The following NPEPL1 variants were observed in gnomAD, a reference collection of about 807,000 sequenced individuals.
NPEPL1 encodes the protein aminopeptidase like 1.
In NPEPL1, 45 loss-of-function variants were observed where a neutral mutation model predicts 52.4. The ratio of observed to expected loss-of-function variants is 0.86; its 90% CI spans 0.68 to 1.10. The LOEUF is 1.10. Among genes scored for constraint, NPEPL1 ranks in the 50% least tolerant of loss-of-function variants. The pLI is 0.00. For missense variants in NPEPL1, 696 were observed against 710.9 expected (o/e 0.98, Z 0.24); for synonymous variants, 360 against 314.7 (o/e 1.14, Z -1.52).
intron 3 of NPEPL1, 133 bp from the exon 4 acceptor site, chr20:58,698,551 C>G (rs1430579065): frequency 2.6e-6 from 2 of 762,408 alleles, no homozygotes; most frequent in African/African-American, 1.7e-5. Flanking sequence ...GTCCCCCTCT[C>G]CCCTCTCTTT....
chr20:58,690,885 G>T, upstream of NPEPL1: 2 of 472,684 alleles, frequency 4.2e-6, no homozygotes, highest in Non-Finnish European at 7.5e-6. Flanking sequence ...ATGCTTCTTG[G>T]ATCCCTCTTC....
upstream of NPEPL1, chr20:58,691,432 A>C (rs180671922): frequency 4.6e-6 from 3 of 657,914 alleles, no homozygotes; most frequent in Non-Finnish European, 8.1e-6. Context: ...GAACTGGAGG[A>C]AAAAAAAACA....
intron 6 of NPEPL1, among the ~76,000 whole-genome samples, 192 bp downstream of exon 6, chr20:58,701,350 C>T (rs1341179307): frequency 5.2e-5 from 3 of 57,148 alleles, no homozygotes; most frequent in Admixed American, 2.2e-4. Context: ...GGTGAGGTGC[C>T]GGCAGGCTCT....
intron 1 of NPEPL1, 52 bp downstream of exon 1, chr20:58,693,102 G>C (rs2084388246): frequency 1.0e-6 from 1 of 988,162 alleles, no homozygotes; most frequent in African/African-American, 1.8e-5. Context: ...GCCCAGGCCC[G>C]GGCGGCCCGC....
intron 7 of NPEPL1, among the ~76,000 whole-genome samples, chr20:58,710,054 C>CTTTTG (rs2084805793): frequency 3.1e-5 from 1 of 32,150 alleles, no homozygotes; most frequent in African/African-American, 4.6e-4. Context: ...TTTTTTTTTC[C>CTTTTG]CCGAGATGGT....
chr20:58,703,193 G>A (rs185582804), intron 6 of NPEPL1, among the ~76,000 whole-genome samples: 17 of 152,290 alleles, frequency 1.1e-4, no homozygotes, highest in Admixed American at 7.2e-4. Context: ...CATTGCTAAC[G>A]TCCATGTAAT....
At chr20:58,699,067 C>G (rs2084555457) in intron 4 of NPEPL1, 130 bp from the exon 5 acceptor site, 3 of 838,098 alleles carry the variant, frequency 3.6e-6, no homozygotes, top group African/African-American at 1.7e-5. Flanking sequence ...ACACGCGAAG[C>G]TGGCTCCCAA....
At chr20:58,700,309 A>T (rs1267779752) in intron 5 of NPEPL1, among the ~76,000 whole-genome samples, 14 of 152,224 alleles carry the variant, frequency 9.2e-5, no homozygotes, top group Non-Finnish European at 1.8e-4. Context: ...ATGAATACCC[A>T]GACGTGGGGG....
At chr20:58,708,058 T>A (rs1244578902) in intron 7 of NPEPL1, among the ~76,000 whole-genome samples, 8 of 142,670 alleles carry the variant, frequency 5.6e-5, no homozygotes, top group African/African-American at 2.4e-4. Context: ...CACTGCAGCC[T>A]GGGAGATAGA....
At chr20:58,693,392 T>A (rs138608570) in intron 1 of NPEPL1, 1 of 213,838 alleles carries the variant, frequency 4.7e-6, no homozygotes, top group Non-Finnish European at 9.2e-6. Flanking sequence ...GAAGTTCCCA[T>A]GGCAGTGTCC....
rs571965313 is a variant in NPEPL1 at position 58,696,855 on chromosome 20, A to C, written c.508-1829A>C. ...AGATACATCCTGTTGTCCCCACGAC[A>C]TTGAGTGGCTCACCGGGGCCACGGC... On this transcript the variant is annotated intron_variant, in intron 3 of 11. Transcript: ENST00000356091. Among the ~76,000 whole-genome samples, 9 of 152,266 alleles carry C rather than the reference A, an allele frequency of 5.9e-5. 1 individual carries two copies. The East Asian group carries it at 1.7e-3, about 29-fold the overall frequency.
chr20:58,714,262 C>G, intron 10 of NPEPL1, 169 bp downstream of exon 10: 1 of 691,098 alleles, frequency 1.4e-6, no homozygotes, highest in Non-Finnish European at 2.3e-6. Flanking sequence ...TCATCCCAGA[C>G]AGCGTGGGCC....
intron 1 of NPEPL1, 194 bp downstream of exon 1, chr20:58,693,244 C>T: frequency 1.3e-5 from 3 of 233,500 alleles, no homozygotes; most frequent in Non-Finnish European, 2.1e-5. Context: ...GCCCCGTCGC[C>T]GGTGCGGCGC....
chr20:58,695,088 G>A (rs1377479640), intron 3 of NPEPL1, among the ~76,000 whole-genome samples: 3 of 105,788 alleles, frequency 2.8e-5, no homozygotes, highest in Admixed American at 1.9e-4. Flanking sequence ...TGGTGTACGT[G>A]TGGTATGTGT....
chr20:58,690,551 G>T (rs1241956439), upstream of NPEPL1, among the ~76,000 whole-genome samples: 2 of 152,198 alleles, frequency 1.3e-5, no homozygotes, highest in South Asian at 2.1e-4. Flanking sequence ...AAATTGGCAG[G>T]CATTTGAAGT....
In NPEPL1 at chr20:58,694,518, GAGA is replaced by G. The variant is rs756719205; in HGVS notation, c.440_442del (p.Lys147del). 46 of 1,614,038 alleles carry G rather than the reference GAGA, an allele frequency of 2.8e-5. No homozygotes were observed. The highest frequency in any genetic ancestry group is 4.5e-5 in the East Asian group (2 of 44,890). ...CCGCTCAGGTGCCTCTCGGCGCTTG[GAGA>G]AGAAGACGGTCACCGTGGAGTTTTT... On this transcript the variant is annotated inframe_deletion, in exon 3 of 12. Coordinates refer to ENST00000356091, the MANE Select transcript of NPEPL1 (RefSeq NM_024663.4).
upstream of NPEPL1, chr20:58,692,045 C>T (rs1405732374): frequency 1.0e-5 from 6 of 589,136 alleles, no homozygotes; most frequent in South Asian, 2.1e-5. This position sits in a 1 kb window ranked among gnomAD's most constrained non-coding sequence, Gnocchi z 5.7. Flanking sequence ...GGTCACCCTG[C>T]TCCTTCCTCG....
At position 58,712,480 on chromosome 20, in the gene NPEPL1, G is replaced by A. The variant is rs778647582; in HGVS notation, c.902G>A (p.Gly301Asp). The A allele has an allele frequency of 5.6e-6, 9 of 1,611,020 alleles. No individual in the cohort carries two copies. The Admixed American group carries it at 6.7e-5, about 12-fold the overall frequency. Residue 301 changes from glycine (G) to aspartate (D), a missense_variant and splice_region_variant, in exon 8 of 12, where the codon GGT becomes GAT. Transcript: ENST00000356091. Reference protein sequence around the residue: ...LGAFRAAIKQGFKDNLHAVFC... With the variant: ...LGAFRAAIKQDFKDNLHAVFC... ...GCCTCTGCCCACTTCTCCCTCCAGG[G>A]TTTCAAAGACAACCTCCACGCTGTG...
upstream of NPEPL1, chr20:58,692,703 C>T: frequency 1.8e-6 from 1 of 544,544 alleles, no homozygotes; most frequent in Non-Finnish European, 2.3e-6. The surrounding 1 kb of genome is among the most constrained non-coding windows in gnomAD (Gnocchi z 5.7). Flanking sequence ...CCCTTCCGCC[C>T]GGCCTGGCCG....
Sources: gnomAD v4.1 joint callset for allele counts (sites outside exome capture counted in the v4.1 genomes callset) on GRCh38, gnomAD v4.1.1 for gene constraint, Gnocchi (gnomAD v3.1) non-coding constraint, MANE v1.5 for transcripts, NCBI Gene and HGNC (gene_info 2026-07-23, HGNC 2026-07-21) for gene names.